PDCD6IP: variants seen among roughly 807,000 people sequenced by gnomAD.
PDCD6IP encodes programmed cell death 6 interacting protein.
A neutral mutation model predicts 103.7 loss-of-function variants in PDCD6IP; 43 were observed. The ratio of observed to expected loss-of-function variants is 0.41; its 90% CI spans 0.32 to 0.53. PDCD6IP has a LOEUF of 0.53. Among genes scored for constraint, PDCD6IP ranks in the 20% least tolerant of loss-of-function variants. The pLI, the probability that PDCD6IP is intolerant of heterozygous loss-of-function variation, is 0.16. For synonymous variants in PDCD6IP, 354 were observed against 378.7 expected, an observed-to-expected ratio of 0.93 and a Z score of 0.76; for missense variants, 871 against 1,036.7, an observed-to-expected ratio of 0.84 and a Z score of 2.20.
At chr3:33,854,933 C>T in intron 14 of PDCD6IP, 1 of 259,690 alleles carries the variant, frequency 3.9e-6, no homozygotes, top group Non-Finnish European at 7.2e-6. Context: ...TAACTTGTTA[C>T]ATTTTTTATG....
chr3:33,845,704 A>G (rs1275304514), intron 12 of PDCD6IP, 116 bp downstream of exon 12: 4 of 732,452 alleles, frequency 5.5e-6, no homozygotes, highest in Non-Finnish European at 8.9e-6. Context: ...GCAGAAATAA[A>G]TTGGGGTTGT....
rs1369332083 is a variant in PDCD6IP, at chr3:33,800,492, AG to A, written c.209+1558del. Among the ~76,000 whole-genome samples the A allele has an allele frequency of 2.0e-5, 3 of 152,142 alleles. No homozygotes were observed. In the East Asian group the frequency reaches 5.8e-4, roughly 29 times the overall value. ...AAGCAAGATGAGTCCGGACTGGGGA[AG>A]GGTTGGTTCTCCGAAGGAAGGGGTA... On this transcript the variant is annotated intron_variant, in intron 1 of 17. Transcript: ENST00000307296.
chr3:33,799,965 A>G (rs899147870), intron 1 of PDCD6IP, among the ~76,000 whole-genome samples: 4 of 151,880 alleles, frequency 2.6e-5, no homozygotes, highest in Admixed American at 6.6e-5. Flanking sequence ...CTAAAAATAC[A>G]ACAAATTAGC....
At chr3:33,854,150 A>G (rs111745498) in intron 14 of PDCD6IP, 137 bp downstream of exon 14, 46,298 of 928,412 alleles carry the variant, frequency 0.05, 1,477 homozygotes, top group South Asian at 0.073. Context: ...TGCTGCTGCG[A>G]AGTTTGTTAT....
Position 33,809,797 on chromosome 3 carries a change from G to A in PDCD6IP, c.210-2275G>A, listed in dbSNP as rs75911523. Reference sequence around the variant, plus strand: ...TTCTTCAGTTTTTCTCGTCTTTCATGACCTTGACATTTTTGAAGAGTACAG... The same window carrying A: ...TTCTTCAGTTTTTCTCGTCTTTCATAACCTTGACATTTTTGAAGAGTACAG... On this transcript the variant is annotated intron_variant, in intron 1 of 17. Transcript: ENST00000307296. Among the ~76,000 whole-genome samples the A allele has an allele frequency of 7.1e-3, 1,081 of 152,164 alleles. 12 individuals carry two copies. Among genetic ancestry groups the A allele is most frequent in the South Asian group, 0.033 (157 of 4,814 alleles).
chr3:33,854,327 A>G (rs1697783848), intron 14 of PDCD6IP, among the ~76,000 whole-genome samples: 1 of 152,152 alleles, frequency 6.6e-6, no homozygotes. Flanking sequence ...AATTTGATGA[A>G]TTTTGAGGGG....
Position 33,798,737 on chromosome 3 carries a change from A to G in PDCD6IP, c.9A>G (p.Thr3=), listed in dbSNP as rs1314099946. The G allele has an allele frequency of 1.0e-5, 16 of 1,560,452 alleles. No homozygotes were observed. The highest frequency in any genetic ancestry group is 1.1e-5 in the Non-Finnish European group (13 of 1,151,030). Residue 3 remains threonine (T), a synonymous_variant, in exon 1 of 18, where the codon ACA becomes ACG. Coordinates refer to ENST00000307296, the MANE Select transcript of PDCD6IP (RefSeq NM_013374.6). The part of the protein sequence containing the change: MA[T]FISVQLKKTS... ...CGGCGGAGGCGCTGATCATGGCGAC[A>G]TTCATCTCGGTGCAGCTGAAAAAGA...
intron 1 of PDCD6IP, among the ~76,000 whole-genome samples, chr3:33,804,067 T>C (rs575303200): frequency 3.9e-4 from 60 of 152,342 alleles, no homozygotes; most frequent in Admixed American, 2.9e-3. Context: ...CGTTGTTGGT[T>C]TGGTGGTGAA....
intron 1 of PDCD6IP, chr3:33,799,268 C>CT: frequency 7.3e-6 from 2 of 275,190 alleles, no homozygotes; most frequent in East Asian, 6.2e-5. Context: ...TTTTGGGTCT[C>CT]TAACTGAAGC....
At position 33,852,642 on chromosome 3, in the gene PDCD6IP, T is replaced by G; in HGVS notation, c.1796T>G (p.Leu599Arg). The G allele has an allele frequency of 6.2e-7, 1 of 1,600,678 alleles. No homozygotes were observed. The highest frequency in any genetic ancestry group is 2.2e-5 in the East Asian group (1 of 44,776). The change falls in exon 13 of 18, where the codon CTT becomes CGT. Residue 599 changes from leucine to arginine, a missense_variant. Physicochemically the swap from Leu to Arg is moderately radical, Grantham distance 102 (BLOSUM62 -2). Coordinates refer to ENST00000307296, the MANE Select transcript of PDCD6IP (RefSeq NM_013374.6). Reference sequence around the variant, plus strand: ...GATGGTGTGATAAATGAAGAAGCTCTTTCTGTTACTGAACTAGATCGAGTC... The same window carrying G: ...GATGGTGTGATAAATGAAGAAGCTCGTTCTGTTACTGAACTAGATCGAGTC... ...AQDGVINEEALSVTELDRVYG... is the reference protein window; with the variant it reads ...AQDGVINEEARSVTELDRVYG...
At chr3:33,821,855 G>C in intron 3 of PDCD6IP, 100 bp from the exon 4 acceptor site, 2 of 1,128,664 alleles carry the variant, frequency 1.8e-6, no homozygotes, top group Middle Eastern at 2.8e-4. Context: ...GTTTTTGTGA[G>C]AGTCAGCGGG....
At chr3:33,812,845 G>T (rs1305624991) in intron 2 of PDCD6IP, among the ~76,000 whole-genome samples, 2 of 152,084 alleles carry the variant, frequency 1.3e-5, no homozygotes, top group Non-Finnish European at 2.9e-5. Flanking sequence ...GCTGCTGATG[G>T]ATGTACTGGA....
At chr3:33,829,214 AT>A (rs1697193660) in intron 7 of PDCD6IP, among the ~76,000 whole-genome samples, 1 of 152,138 alleles carries the variant, frequency 6.6e-6, no homozygotes, top group African/African-American at 2.4e-5. Context: ...TAATGTAAAA[AT>A]AATTCTAAAT....
intron 12 of PDCD6IP, among the ~76,000 whole-genome samples, chr3:33,851,692 C>T (rs1396179226): frequency 4.0e-5 from 6 of 151,832 alleles, no homozygotes; most frequent in Admixed American, 6.6e-5. Flanking sequence ...AGGCTGATCT[C>T]GAACTCCTAG....
chr3:33,830,814 A>G (rs936806248), intron 7 of PDCD6IP, among the ~76,000 whole-genome samples: 5 of 152,236 alleles, frequency 3.3e-5, no homozygotes, highest in African/African-American at 1.2e-4. Flanking sequence ...ACTCCCAAGA[A>G]GACAAACAGA....
chr3:33,803,532 T>C (rs908834202), intron 1 of PDCD6IP, among the ~76,000 whole-genome samples: 1 of 152,206 alleles, frequency 6.6e-6, no homozygotes, highest in Non-Finnish European at 1.5e-5. Flanking sequence ...ATATTTATAC[T>C]TTTTTCATTA....
intron 16 of PDCD6IP, 131 bp downstream of exon 16, chr3:33,864,260 A>G (rs1377571606): frequency 1.6e-6 from 1 of 619,706 alleles, no homozygotes; most frequent in African/African-American, 1.8e-5. Flanking sequence ...CAACCTTCTG[A>G]TATTTTGCAA....
chr3:33,820,733 C>A (rs1413241601), intron 3 of PDCD6IP, among the ~76,000 whole-genome samples: 5 of 152,138 alleles, frequency 3.3e-5, no homozygotes, highest in African/African-American at 1.2e-4. Context: ...ATATGATTTC[C>A]TTCTTGTTCA....
At chr3:33,818,213 T>C (rs1018557115) in intron 3 of PDCD6IP, among the ~76,000 whole-genome samples, 2 of 148,984 alleles carry the variant, frequency 1.3e-5, no homozygotes. Context: ...GTTCAAGTGA[T>C]TCTCGTGCCA....
Sources: allele counts gnomAD v4.1 joint callset (sites outside exome capture counted in the v4.1 genomes callset), GRCh38; gene constraint gnomAD v4.1.1; transcripts MANE v1.5; gene names NCBI Gene and HGNC (gene_info 2026-07-23, HGNC 2026-07-21).